TAFA4: variants seen among roughly 807,000 people sequenced by gnomAD.
The protein encoded by TAFA4 is TAFA chemokine like family member 4.
In TAFA4, 20 loss-of-function variants were observed where a neutral mutation model predicts 21.1. The ratio of observed to expected loss-of-function variants is 0.95; its 90% CI spans 0.67 to 1.38. The LOEUF (loss-of-function observed/expected upper bound fraction) is 1.38, where lower values mean the gene tolerates loss of function less well. Among genes scored for constraint, TAFA4 ranks in the 40% most tolerant of loss-of-function variants. The pLI is 0.00. For synonymous variants in TAFA4, 71 were observed against 67.4 expected (o/e 1.05, Z -0.26); for missense variants, 211 against 180.9 (o/e 1.17, Z -0.95).
chr3:68,880,056 A>AAC lies in TAFA4; in HGVS notation c.130+672_130+673dup, dbSNP rs34023286. Among the ~76,000 whole-genome samples, 296 of 150,004 alleles carry AAC rather than the reference A, an allele frequency of 2.0e-3. 1 individual carries two copies. Among genetic ancestry groups the AAC allele is most frequent in the African/African-American group, 5.3e-3 (218 of 40,930 alleles). ...GTTGATGTAAGAAAGAAAGGACAGA[A>AAC]ACACACACACACACACACACACAAA... On this transcript the variant is annotated intron_variant, in intron 3 of 5. Coordinates refer to ENST00000295569, the MANE Select transcript of TAFA4 (RefSeq NM_182522.5).
At chr3:68,761,194 G>T (rs575476153) in intron 3 of TAFA4, among the ~76,000 whole-genome samples, 2 of 152,276 alleles carry the variant, frequency 1.3e-5, no homozygotes, top group East Asian at 3.9e-4. Context: ...TAAATAAAGT[G>T]CTTAAAGAAC....
At chr3:68,782,111 G>A (rs1273719419) in intron 3 of TAFA4, among the ~76,000 whole-genome samples, 1 of 152,078 alleles carries the variant, frequency 6.6e-6, no homozygotes, top group Non-Finnish European at 1.5e-5. Context: ...TCTGACAAGG[G>A]TCTAGTATCC....
chr3:68,749,050 C>A (rs1702513475), intron 4 of TAFA4, among the ~76,000 whole-genome samples: 1 of 152,194 alleles, frequency 6.6e-6, no homozygotes, highest in South Asian at 2.1e-4. Flanking sequence ...AGCTGAATAG[C>A]TGTCTGTTTT....
At chr3:68,865,207 A>G (rs1338562724) in intron 3 of TAFA4, among the ~76,000 whole-genome samples, 1 of 152,128 alleles carries the variant, frequency 6.6e-6, no homozygotes, top group Non-Finnish European at 1.5e-5. Context: ...TCCACAAGAA[A>G]CCAAAAACAA....
At chr3:68,812,448 C>T (rs1232150249) in intron 3 of TAFA4, among the ~76,000 whole-genome samples, 6 of 152,116 alleles carry the variant, frequency 3.9e-5, no homozygotes, top group Non-Finnish European at 8.8e-5. Flanking sequence ...CACAGAGACA[C>T]ATATAGGCTC....
intron 3 of TAFA4, among the ~76,000 whole-genome samples, chr3:68,803,184 G>T (rs984471975): frequency 6.6e-6 from 1 of 152,142 alleles, no homozygotes; most frequent in Non-Finnish European, 1.5e-5. Context: ...AAATACATGT[G>T]AGAGCCATCT....
intron 4 of TAFA4, among the ~76,000 whole-genome samples, chr3:68,749,622 C>T (rs980886522): frequency 1.3e-5 from 2 of 152,222 alleles, no homozygotes; most frequent in Non-Finnish European, 2.9e-5. Flanking sequence ...AAACTTCCTA[C>T]ACTTCTCAGT....
At chr3:68,788,037 G>C (rs1409904935) in intron 3 of TAFA4, among the ~76,000 whole-genome samples, 1 of 152,240 alleles carries the variant, frequency 6.6e-6, no homozygotes, top group Admixed American at 6.5e-5. Flanking sequence ...TAAGAGGTAA[G>C]ACTAGTTCCT....
chr3:68,843,297 G>A (rs1704709606), intron 3 of TAFA4, among the ~76,000 whole-genome samples: 1 of 152,166 alleles, frequency 6.6e-6, no homozygotes, highest in African/African-American at 2.4e-5. Flanking sequence ...AGGCAATTGT[G>A]AATGGGAGTT....
chr3:68,915,874 A>T (rs909254240), intron 1 of TAFA4, among the ~76,000 whole-genome samples: 2 of 152,252 alleles, frequency 1.3e-5, no homozygotes, highest in Non-Finnish European at 2.9e-5. Context: ...TGAAGTGAAG[A>T]AAAATTTATA....
chr3:68,877,242 C>A (rs1393105981), intron 3 of TAFA4, among the ~76,000 whole-genome samples: 1 of 152,026 alleles, frequency 6.6e-6, no homozygotes, highest in Non-Finnish European at 1.5e-5. Context: ...GCCTATAACC[C>A]CAGCTACTCA....
At chr3:68,877,038 C>G (rs925180311) in intron 3 of TAFA4, among the ~76,000 whole-genome samples, 5 of 152,124 alleles carry the variant, frequency 3.3e-5, no homozygotes, top group Admixed American at 3.3e-4. Flanking sequence ...GAAGCTCATG[C>G]TGCTTCCTCT....
intron 3 of TAFA4, among the ~76,000 whole-genome samples, chr3:68,817,089 A>C (rs1703995855): frequency 6.6e-6 from 1 of 152,188 alleles, no homozygotes; most frequent in African/African-American, 2.4e-5. Flanking sequence ...TGCTGTTTGA[A>C]AACATCTTAT....
chr3:68,812,379 C>A (rs999461866), intron 3 of TAFA4, among the ~76,000 whole-genome samples: 2 of 152,128 alleles, frequency 1.3e-5, no homozygotes, highest in East Asian at 1.9e-4. Flanking sequence ...CACAGACTGG[C>A]AAATTGGATC....
intron 5 of TAFA4, among the ~76,000 whole-genome samples, chr3:68,737,236 TAGGA>T (rs886668973): frequency 6.6e-6 from 1 of 152,070 alleles, no homozygotes; most frequent in African/African-American, 2.4e-5. Flanking sequence ...GATTTTCACT[TAGGA>T]AGGAATTAGG....
intron 1 of TAFA4, among the ~76,000 whole-genome samples, chr3:68,921,265 G>A (rs1170473427): frequency 6.6e-6 from 1 of 151,994 alleles, no homozygotes; most frequent in Non-Finnish European, 1.5e-5. Flanking sequence ...CATCCGCTCT[G>A]CTTGGTGGTT....
At chr3:68,865,531 G>A (rs1433705791) in intron 3 of TAFA4, among the ~76,000 whole-genome samples, 2 of 152,076 alleles carry the variant, frequency 1.3e-5, no homozygotes, top group Non-Finnish European at 2.9e-5. Flanking sequence ...TGTAAAACAT[G>A]CCTTTTCTCC....
intron 3 of TAFA4, among the ~76,000 whole-genome samples, chr3:68,848,283 TGTCCTACC>T (rs1704855759): frequency 6.6e-6 from 1 of 152,220 alleles, no homozygotes; most frequent in African/African-American, 2.4e-5. Flanking sequence ...CATTTCCTGA[TGTCCTACC>T]TCATACATGG....
At chr3:68,838,498 C>T (rs1704576293) in intron 3 of TAFA4, among the ~76,000 whole-genome samples, 1 of 152,162 alleles carries the variant, frequency 6.6e-6, no homozygotes, top group Non-Finnish European at 1.5e-5. Flanking sequence ...CATTCTCTTT[C>T]ATTTGACAAG....
Sources: gnomAD v4.1 joint callset for allele counts (sites outside exome capture counted in the v4.1 genomes callset) on GRCh38, gnomAD v4.1.1 for gene constraint, MANE v1.5 for transcripts, NCBI Gene and HGNC (gene_info 2026-07-23, HGNC 2026-07-21) for gene names.